GALNT13: variants seen among roughly 807,000 people sequenced by gnomAD.
GALNT13 encodes polypeptide N-acetylgalactosaminyltransferase 13.
GALNT13 carries 28 observed loss-of-function variants against 64.2 expected under a neutral mutation model. That is an observed-to-expected ratio of 0.44 (90% CI 0.32 to 0.60). GALNT13 has a LOEUF of 0.60. GALNT13 is among the 20% of genes least tolerant of loss of function. The pLI is 0.05. For synonymous variants in GALNT13, 214 were observed against 224.6 expected (o/e 0.95, Z 0.42); for missense variants, 577 against 669.8 (o/e 0.86, Z 1.53).
the GALNT13 span, among the ~76,000 whole-genome samples, chr2:153,496,273 C>T: frequency 2.4e-4 from 36 of 152,154 alleles, no homozygotes; most frequent in Non-Finnish European, 1.2e-4. Context: ...GTTTCTGGAC[C>T]TTTCCTTTTT....
At chr2:153,485,389 TTTAA>T in the GALNT13 span, among the ~76,000 whole-genome samples, 1 of 152,216 alleles carries the variant, frequency 6.6e-6, no homozygotes, top group Non-Finnish European at 1.5e-5. Flanking sequence ...TCATCCAGAA[TTTAA>T]TTATTATTTA....
intron 4 of GALNT13, among the ~76,000 whole-genome samples, chr2:154,225,877 C>T (rs1265408496): frequency 6.6e-6 from 1 of 151,996 alleles, no homozygotes; most frequent in African/African-American, 2.4e-5. Context: ...AGATTTTTAC[C>T]TCTCTGTGCA....
chr2:153,169,724 CAG>C, the GALNT13 span, among the ~76,000 whole-genome samples: 1 of 152,154 alleles, frequency 6.6e-6, no homozygotes, highest in African/African-American at 2.4e-5. Context: ...GAGGCTGAGA[CAG>C]ACACATAGAG....
the GALNT13 span, among the ~76,000 whole-genome samples, chr2:153,194,456 G>A: frequency 5.9e-4 from 89 of 151,940 alleles, no homozygotes; most frequent in African/African-American, 2.1e-3. Flanking sequence ...TCTTTTTTAT[G>A]ATATCTTTCT....
At chr2:153,648,213 A>C in the GALNT13 span, among the ~76,000 whole-genome samples, 1 of 152,108 alleles carries the variant, frequency 6.6e-6, no homozygotes, top group Non-Finnish European at 1.5e-5. Context: ...TCAGTATTTT[A>C]TTCTCTTTGA....
Position 154,242,054 on chromosome 2 carries a change from T to A in GALNT13, c.336T>A (p.Asp112Glu). ...LEGCKTKVYP[D>E]ELPNTSVVIV... ...GATGTAAGACAAAAGTCTACCCTGATGAACTTCCAAACACAAGTGTAGTCA... is the reference window on the plus strand; with the variant it reads ...GATGTAAGACAAAAGTCTACCCTGAAGAACTTCCAAACACAAGTGTAGTCA... Residue 112 changes from aspartate to glutamate, a missense_variant, in exon 5 of 13, where the codon GAT becomes GAA. Asp to Glu is a conservative substitution (Grantham distance 45, BLOSUM62 2). Coordinates refer to ENST00000392825, the MANE Select transcript of GALNT13 (RefSeq NM_052917.4). 6.2e-7 allele frequency: 1 copy of A among 1,606,820 alleles called. No individual in the cohort carries two copies. Among genetic ancestry groups the A allele is most frequent in the Non-Finnish European group, 8.5e-7 (1 of 1,176,954 alleles).
At chr2:154,333,387 T>G (rs901756230) in intron 9 of GALNT13, among the ~76,000 whole-genome samples, 1 of 152,088 alleles carries the variant, frequency 6.6e-6, no homozygotes, top group South Asian at 2.1e-4. Context: ...TTATACAAAG[T>G]GATTCTGTAG....
the GALNT13 span, among the ~76,000 whole-genome samples, chr2:153,317,868 AAG>A: frequency 6.6e-6 from 1 of 152,152 alleles, no homozygotes; most frequent in Non-Finnish European, 1.5e-5. Flanking sequence ...TCTTATGGGA[AAG>A]AGAGAATTTT....
chr2:154,272,596 A>G (rs1333157860), intron 8 of GALNT13, among the ~76,000 whole-genome samples: 2 of 152,118 alleles, frequency 1.3e-5, no homozygotes, highest in Non-Finnish European at 2.9e-5. Context: ...CAGCTATATG[A>G]AGAATGTTAA....
the GALNT13 span, among the ~76,000 whole-genome samples, chr2:153,389,533 C>A: frequency 6.6e-6 from 1 of 152,042 alleles, no homozygotes; most frequent in African/African-American, 2.4e-5. Context: ...GACCCCATTA[C>A]ACACACTGAT....
the GALNT13 span, among the ~76,000 whole-genome samples, chr2:153,399,663 G>C: frequency 6.6e-6 from 1 of 151,678 alleles, no homozygotes; most frequent in Admixed American, 6.6e-5. Context: ...TGGATTCCTA[G>C]GTATTTTATT....
intron 3 of GALNT13, among the ~76,000 whole-genome samples, chr2:153,984,166 T>C (rs1694647169): frequency 6.6e-6 from 1 of 151,858 alleles, no homozygotes. Flanking sequence ...TGTACAATAA[T>C]ATAATCTGTT....
At chr2:153,358,160 A>G in the GALNT13 span, among the ~76,000 whole-genome samples, 1 of 152,218 alleles carries the variant, frequency 6.6e-6, no homozygotes, top group South Asian at 2.1e-4. Flanking sequence ...ATTTCATCAT[A>G]TCCCAAAATA....
At chr2:153,586,516 A>G in the GALNT13 span, among the ~76,000 whole-genome samples, 18 of 152,186 alleles carry the variant, frequency 1.2e-4, no homozygotes, top group African/African-American at 3.9e-4. Flanking sequence ...AGCCAACACT[A>G]GAGCACACAG....
chr2:154,275,650 G>A (rs952336520), intron 8 of GALNT13, among the ~76,000 whole-genome samples: 3 of 152,136 alleles, frequency 2.0e-5, no homozygotes, highest in Admixed American at 6.5e-5. Flanking sequence ...CTCTTGCTAG[G>A]GCAGTGTGGA....
At chr2:153,615,723 A>AAATGG in the GALNT13 span, among the ~76,000 whole-genome samples, 1 of 152,070 alleles carries the variant, frequency 6.6e-6, no homozygotes, top group Admixed American at 6.6e-5. Flanking sequence ...GGAATCTTTT[A>AAATGG]AATCTTTTAA....
chr2:153,290,422 C>T, the GALNT13 span, among the ~76,000 whole-genome samples: 2 of 152,098 alleles, frequency 1.3e-5, no homozygotes, highest in African/African-American at 4.8e-5. Flanking sequence ...GATTTACTCT[C>T]CGAAAGTTAT....
chr2:154,246,275 G>A (rs946927440), intron 7 of GALNT13, among the ~76,000 whole-genome samples: 1 of 152,016 alleles, frequency 6.6e-6, no homozygotes, highest in African/African-American at 2.4e-5. Flanking sequence ...AAATGTGCTA[G>A]CCTTGACACT....
At chr2:154,443,840 C>T (rs1056911246) in intron 12 of GALNT13, among the ~76,000 whole-genome samples, 9 of 152,018 alleles carry the variant, frequency 5.9e-5, no homozygotes, top group South Asian at 4.1e-4. Context: ...TTACATGTTA[C>T]GATTAAAATA....
Sources: gnomAD v4.1 joint callset for allele counts (sites outside exome capture counted in the v4.1 genomes callset) on GRCh38, gnomAD v4.1.1 for gene constraint, MANE v1.5 for transcripts, NCBI Gene and HGNC (gene_info 2026-07-23, HGNC 2026-07-21) for gene names.